TENT4B: variants seen among roughly 807,000 people sequenced by gnomAD.
TENT4B encodes terminal nucleotidyltransferase 4B.
Under a neutral mutation model 75.0 loss-of-function variants are expected in TENT4B, and 10 were observed. The observed-to-expected ratio is 0.13, with a 90% CI of 0.08 to 0.23. The LOEUF is 0.23. Ranked by LOEUF, TENT4B falls within the 10% of genes least tolerant of loss-of-function variation. TENT4B has a pLI of 1.00. For synonymous variants in TENT4B, 350 were observed against 357.7 expected (o/e 0.98, Z 0.24); for missense variants, 579 against 893.8 (o/e 0.65, Z 4.49).
In TENT4B at chr16:50,234,844, A is replaced by G. The variant is rs1011583623; in HGVS notation, c.*5516A>G. 3.0e-6 allele frequency: 3 copies of G among 985,546 alleles called. No individual in the cohort carries two copies. The Admixed American group carries it at 1.8e-4, about 61-fold the overall frequency. 61.1% of individuals were successfully genotyped at this position (985,546 alleles called of 1,614,324 possible). On this transcript the variant is annotated 3_prime_UTR_variant, in exon 12 of 12. Coordinates refer to ENST00000561678, the MANE Select transcript of TENT4B (RefSeq NM_001365324.3). ...GTTAAACATTTTTAGTGGAATATAC[A>G]TAGATAACGTGTATTTAGAAACTTT... is the stretch of plus-strand genomic sequence containing the variant.
chr16:50,227,275 G>T (rs1488402876), intron 10 of TENT4B, among the ~76,000 whole-genome samples: 1 of 152,206 alleles, frequency 6.6e-6, no homozygotes, highest in Non-Finnish European at 1.5e-5. Context: ...GGGACTGAGA[G>T]AATGTGACTC....
intron 1 of TENT4B, among the ~76,000 whole-genome samples, chr16:50,171,639 G>A (rs1018237958): frequency 1.3e-5 from 2 of 152,108 alleles, no homozygotes; most frequent in African/African-American, 2.4e-5. Flanking sequence ...CCACTTATAT[G>A]TGGATTTTTT....
intron 1 of TENT4B, among the ~76,000 whole-genome samples, chr16:50,167,114 C>T (rs530829980): frequency 2.0e-4 from 31 of 152,250 alleles, no homozygotes; most frequent in Admixed American, 7.9e-4. Flanking sequence ...TATTCTAGAT[C>T]GGGGTGTCCA....
chr16:50,193,940 G>A (rs911391292), intron 1 of TENT4B, among the ~76,000 whole-genome samples: 1 of 152,196 alleles, frequency 6.6e-6, no homozygotes, highest in East Asian at 1.9e-4. Flanking sequence ...ACCCCACAGA[G>A]CTGTGGAGTG....
chr16:50,192,965 T>G (rs977951830), intron 1 of TENT4B, among the ~76,000 whole-genome samples: 3 of 152,246 alleles, frequency 2.0e-5, no homozygotes, highest in Non-Finnish European at 4.4e-5. Flanking sequence ...TCCCAGCTAC[T>G]TGGGAGGCTG....
upstream of TENT4B, among the ~76,000 whole-genome samples, chr16:50,153,286 TGCC>T (rs534559724): frequency 0.19 from 26,303 of 141,322 alleles, 2,554 homozygotes; most frequent in East Asian, 0.27. Flanking sequence ...CTGCCGCCGC[TGCC>T]GCCGCCGCCG....
At chr16:50,223,487 C>A in intron 7 of TENT4B, 100 bp downstream of exon 7, 1 of 738,726 alleles carries the variant, frequency 1.4e-6, no homozygotes, top group Non-Finnish European at 2.2e-6. Context: ...GAAGGAACAA[C>A]TTCTAATTGT....
rs1269000759 is a variant in TENT4B, at chr16:50,229,575, T to G, written c.*247T>G. On this transcript the variant is annotated 3_prime_UTR_variant, in exon 12 of 12. Coordinates refer to ENST00000561678, the MANE Select transcript of TENT4B (RefSeq NM_001365324.3). ...AAGGCTGCTTATTTGATAAGTCATA[T>G]GCTACAACAGGGTCATTTTAAGATT... The G allele has an allele frequency of 8.1e-6, 10 of 1,229,384 alleles. No homozygotes were observed. Among genetic ancestry groups the G allele is most frequent in the Admixed American group, 4.4e-5 (1 of 22,750 alleles). 76.2% of individuals were successfully genotyped at this position (1,229,384 alleles called of 1,614,324 possible).
chr16:50,164,568 A>G (rs1003437434), intron 1 of TENT4B, among the ~76,000 whole-genome samples: 17 of 152,054 alleles, frequency 1.1e-4, no homozygotes, highest in Admixed American at 9.2e-4. Flanking sequence ...CGGCCTCCCA[A>G]AGTGCTGGGA....
intron 1 of TENT4B, among the ~76,000 whole-genome samples, chr16:50,180,910 ATTAAAATAGAATAGTTTTGCTTCC>A (rs1250889881): frequency 1.3e-5 from 2 of 152,206 alleles, no homozygotes; most frequent in Admixed American, 6.5e-5. Flanking sequence ...CTTCCAAACT[ATTAAAATAGAATAGTTTTGCTTCC>A]TTAAAATAGA....
intron 1 of TENT4B, among the ~76,000 whole-genome samples, chr16:50,172,776 T>C (rs1440962513): frequency 6.6e-6 from 1 of 152,154 alleles, no homozygotes; most frequent in East Asian, 1.9e-4. Context: ...TTGAGTAGTT[T>C]CACTGCCCTA....
At chr16:50,174,812 C>T (rs999545238) in intron 1 of TENT4B, among the ~76,000 whole-genome samples, 4 of 146,084 alleles carry the variant, frequency 2.7e-5, no homozygotes, top group African/African-American at 1.0e-4. Flanking sequence ...GGCACAATCT[C>T]GACTCACTGC....
chr16:50,214,020 G>A (rs1372575351), intron 2 of TENT4B, among the ~76,000 whole-genome samples: 2 of 152,156 alleles, frequency 1.3e-5, no homozygotes, highest in South Asian at 2.1e-4. Flanking sequence ...AACCAGATAA[G>A]TTTAAATTAT....
chr16:50,203,283 A>C (rs959786655), intron 1 of TENT4B, among the ~76,000 whole-genome samples: 2 of 152,114 alleles, frequency 1.3e-5, no homozygotes, highest in African/African-American at 4.8e-5. Context: ...AGATGGTACA[A>C]ATTATTTAGG....
intron 1 of TENT4B, among the ~76,000 whole-genome samples, chr16:50,167,286 A>G (rs1353805703): frequency 2.0e-5 from 3 of 152,172 alleles, no homozygotes; most frequent in African/African-American, 7.2e-5. Context: ...GCCACATTCA[A>G]AGCCATCGTG....
chr16:50,215,164 G>A (rs1433408092), intron 3 of TENT4B, among the ~76,000 whole-genome samples: 1 of 152,166 alleles, frequency 6.6e-6, no homozygotes, highest in African/African-American at 2.4e-5. Context: ...TCCAAAGGGT[G>A]AATACTTGCT....
intron 2 of TENT4B, among the ~76,000 whole-genome samples, 166 bp downstream of exon 2, chr16:50,211,612 T>C (rs1034410738): frequency 7.2e-5 from 11 of 152,252 alleles, no homozygotes; most frequent in Admixed American, 3.9e-4. Flanking sequence ...GTCTTTAGAA[T>C]TGAGGCTTCC....
Position 50,230,369 on chromosome 16 carries a change from A to G in TENT4B, c.*1041A>G. ...GTTGCAGTGAAACTTCGAGTTCCAC[A>G]GACTTTGCATGCTGGCTTCTCTAAC... is the stretch of plus-strand genomic sequence containing the variant. On this transcript the variant is annotated 3_prime_UTR_variant, in exon 12 of 12. Coordinates refer to ENST00000561678, the MANE Select transcript of TENT4B (RefSeq NM_001365324.3). 1 of 984,250 alleles carries G rather than the reference A, an allele frequency of 1.0e-6. No homozygotes were observed. The highest frequency in any genetic ancestry group is 1.2e-6 in the Non-Finnish European group (1 of 829,776). 61.0% of individuals were successfully genotyped at this position (984,250 alleles called of 1,614,324 possible). A position where few individuals can be genotyped will look rare whatever the true frequency, so the allele number is the denominator to read the frequency against.
chr16:50,204,574 G>A (rs2030841892), intron 1 of TENT4B, among the ~76,000 whole-genome samples: 1 of 152,128 alleles, frequency 6.6e-6, no homozygotes, highest in Admixed American at 6.5e-5. Flanking sequence ...TCTTGGTAAA[G>A]ATCCATCTGC....
Sources: allele counts gnomAD v4.1 joint callset (sites outside exome capture counted in the v4.1 genomes callset), GRCh38; gene constraint gnomAD v4.1.1; transcripts MANE v1.5; gene names NCBI Gene and HGNC (gene_info 2026-07-23, HGNC 2026-07-21).